PHF20: variants seen among roughly 807,000 people sequenced by gnomAD.
The protein encoded by PHF20 is glioma-expressed antigen 2.
Under a neutral mutation model 113.5 loss-of-function variants are expected in PHF20, and 23 were observed. The ratio of observed to expected loss-of-function variants is 0.20; its 90% CI spans 0.15 to 0.29. PHF20 has a LOEUF of 0.29. PHF20 is among the 10% of genes least tolerant of loss of function. PHF20 has a pLI of 1.00. For synonymous variants in PHF20, 434 were observed against 457.3 expected, an observed-to-expected ratio of 0.95 and a Z score of 0.65; for missense variants, 943 against 1,219.6, an observed-to-expected ratio of 0.77 and a Z score of 3.38.
chr20:35,853,695 C>A (rs1453270703), intron 4 of PHF20, among the ~76,000 whole-genome samples: 1 of 151,898 alleles, frequency 6.6e-6, no homozygotes. Flanking sequence ...GAGTTTGAGG[C>A]TGCAGTGAGC....
intron 2 of PHF20, among the ~76,000 whole-genome samples, chr20:35,828,773 T>C (rs1482603198): frequency 2.0e-5 from 3 of 152,190 alleles, no homozygotes; most frequent in African/African-American, 7.2e-5. Context: ...TAGAGCAGTG[T>C]TTCTCAAACC....
At chr20:35,914,340 GTT>G (rs2055362264) in intron 12 of PHF20, 143 bp downstream of exon 12, 2 of 841,610 alleles carry the variant, frequency 2.4e-6, no homozygotes, top group East Asian at 5.4e-5. Context: ...TTTTCCCAGT[GTT>G]TACAAAACTT....
intron 1 of PHF20, among the ~76,000 whole-genome samples, chr20:35,780,966 A>G (rs113014649): frequency 0.052 from 7,157 of 138,114 alleles, 210 homozygotes; most frequent in African/African-American, 0.099. Context: ...TGATTCTCTT[A>G]CCTCAGCCTC....
chr20:35,931,527 C>A, intron 15 of PHF20, 83 bp downstream of exon 15: 1 of 1,028,898 alleles, frequency 9.7e-7, no homozygotes, highest in Non-Finnish European at 1.4e-6. Context: ...TGGAAAGCTA[C>A]CAAAGCAATC....
chr20:35,849,434 A>AATAG, intron 4 of PHF20: 1 of 471,238 alleles, frequency 2.1e-6, no homozygotes, highest in Non-Finnish European at 4.4e-6. Context: ...GTAGGTGCTG[A>AATAG]AATAGAGCTA....
chr20:35,812,366 C>A (rs1412293519), intron 2 of PHF20, among the ~76,000 whole-genome samples: 2 of 152,038 alleles, frequency 1.3e-5, no homozygotes, highest in Non-Finnish European at 2.9e-5. Flanking sequence ...TTGCAGTGAG[C>A]AGAGATCGAG....
chr20:35,775,139 C>T (rs528730372), intron 1 of PHF20: 1 of 152,196 alleles, frequency 6.6e-6, no homozygotes, highest in South Asian at 2.1e-4. Flanking sequence ...GTATTCTACA[C>T]CAGTGCTTCT....
chr20:35,936,340 C>T (rs1404399668), intron 15 of PHF20, among the ~76,000 whole-genome samples: 1 of 152,106 alleles, frequency 6.6e-6, no homozygotes, highest in African/African-American at 2.4e-5. Context: ...TAGTGGCTAG[C>T]AGTGGTATGG....
chr20:35,900,830 C>T (rs1458991770), intron 10 of PHF20, among the ~76,000 whole-genome samples: 1 of 152,040 alleles, frequency 6.6e-6, no homozygotes, highest in Non-Finnish European at 1.5e-5. Flanking sequence ...GAGTGAGACT[C>T]CATCTCAAAA....
At chr20:35,896,963 A>T (rs997356535) in intron 9 of PHF20, among the ~76,000 whole-genome samples, 1 of 151,864 alleles carries the variant, frequency 6.6e-6, no homozygotes, top group African/African-American at 2.4e-5. Context: ...TTCCACCTCC[A>T]TTTAGTTAGC....
chr20:35,867,263 A>T (rs1053832209), intron 6 of PHF20, among the ~76,000 whole-genome samples: 6 of 151,658 alleles, frequency 4.0e-5, no homozygotes, highest in African/African-American at 9.7e-5. Flanking sequence ...TATATATTTT[A>T]ATTTTTATTT....
chr20:35,862,306 A>G (rs1347661276), intron 5 of PHF20, among the ~76,000 whole-genome samples: 1 of 152,214 alleles, frequency 6.6e-6, no homozygotes, highest in Non-Finnish European at 1.5e-5. Context: ...TCTATAGACA[A>G]GACATCAGCA....
intron 2 of PHF20, among the ~76,000 whole-genome samples, chr20:35,821,005 A>C (rs929558784): frequency 6.6e-6 from 1 of 152,006 alleles, no homozygotes; most frequent in Non-Finnish European, 1.5e-5. Flanking sequence ...GAGGGTAGAG[A>C]GTGAGAGGCC....
chr20:35,930,399 G>A (rs935936591), intron 14 of PHF20, among the ~76,000 whole-genome samples: 3 of 152,124 alleles, frequency 2.0e-5, no homozygotes, highest in Admixed American at 6.5e-5. Context: ...ATGCCGTGAC[G>A]GGAAAATTGA....
chr20:35,846,366 C>T (rs187253121), intron 3 of PHF20, among the ~76,000 whole-genome samples: 109 of 151,858 alleles, frequency 7.2e-4, no homozygotes, highest in African/African-American at 2.4e-3. Flanking sequence ...TTAGTAGAGA[C>T]GGGGTTTCAC....
chr20:35,877,425 CTTTCTTTTCTTTTT>C (rs1231728161), intron 9 of PHF20, among the ~76,000 whole-genome samples: 3 of 145,270 alleles, frequency 2.1e-5, no homozygotes, highest in Admixed American at 6.9e-5. Flanking sequence ...CTATTCTTTT[CTTTCTTTTCTTTTT>C]TTTCTTTTTT....
At chr20:35,888,629 A>G (rs775989020) in intron 9 of PHF20, among the ~76,000 whole-genome samples, 1 of 152,140 alleles carries the variant, frequency 6.6e-6, no homozygotes, top group Admixed American at 6.5e-5. Flanking sequence ...TTAATTTACA[A>G]TATTTTCTTC....
intron 1 of PHF20, chr20:35,775,054 G>A (rs1430539370): frequency 6.6e-6 from 1 of 152,198 alleles, no homozygotes; most frequent in Non-Finnish European, 1.5e-5. Context: ...TATACTGAAA[G>A]TGAACAGATA....
At chr20:35,938,097 C>T (rs879339432) in intron 15 of PHF20, among the ~76,000 whole-genome samples, 6 of 152,126 alleles carry the variant, frequency 3.9e-5, no homozygotes, top group Non-Finnish European at 8.8e-5. Flanking sequence ...TGGTCTCGAT[C>T]TCCTGACCTC....
Sources: allele counts gnomAD v4.1 joint callset (sites outside exome capture counted in the v4.1 genomes callset), GRCh38; gene constraint gnomAD v4.1.1; transcripts MANE v1.5; gene names NCBI Gene and HGNC (gene_info 2026-07-23, HGNC 2026-07-21).